TMEM38B: variants seen among roughly 807,000 people sequenced by gnomAD.
The protein encoded by TMEM38B is transmembrane protein 38B, also known as trimeric intracellular cation channel type B.
Under a neutral mutation model 28.7 loss-of-function variants are expected in TMEM38B, and 24 were observed. The observed-to-expected ratio is 0.84, with a 90% CI of 0.61 to 1.18. The LOEUF is 1.18. TMEM38B is among the 50% of genes most tolerant of loss of function. The probability of loss-of-function intolerance (pLI) is 0.00; values close to 1 mark genes in which losing one functional copy is unlikely to be tolerated. For missense variants in TMEM38B, 380 were observed against 350.9 expected (o/e 1.08, Z -0.66); for synonymous variants, 131 against 127.7 (o/e 1.03, Z -0.17).
At chr9:105,719,579 A>G (rs1342491079) in intron 2 of TMEM38B, among the ~76,000 whole-genome samples, 1 of 152,164 alleles carries the variant, frequency 6.6e-6, no homozygotes, top group East Asian at 1.9e-4. Flanking sequence ...GTGGCTACTT[A>G]ACTCTCAAAT....
chr9:105,772,217 A>T (rs569180688), intron 5 of TMEM38B, among the ~76,000 whole-genome samples: 4 of 152,018 alleles, frequency 2.6e-5, no homozygotes, highest in African/African-American at 9.7e-5. Context: ...AGGCTTTTGG[A>T]TTCTCATCCT....
At chr9:105,730,171 T>C (rs1836678465) in intron 4 of TMEM38B, among the ~76,000 whole-genome samples, 1 of 152,174 alleles carries the variant, frequency 6.6e-6, no homozygotes, top group Non-Finnish European at 1.5e-5. Context: ...TCAAAGGGAA[T>C]GCGTCCAGTT....
At chr9:105,706,594 A>G (rs1270599979) in intron 2 of TMEM38B, among the ~76,000 whole-genome samples, 1 of 152,216 alleles carries the variant, frequency 6.6e-6, no homozygotes, top group African/African-American at 2.4e-5. Context: ...GTGTCAAAAG[A>G]AAAACAAGAA....
At chr9:105,758,864 A>G in intron 5 of TMEM38B, 7 of 1,012,540 alleles carry the variant, frequency 6.9e-6, no homozygotes, top group Non-Finnish European at 1.1e-5. Flanking sequence ...ATAATAGAAA[A>G]CTAAGCCAGG....
At chr9:105,760,983 A>G (rs1033936764) in intron 5 of TMEM38B, among the ~76,000 whole-genome samples, 1 of 152,254 alleles carries the variant, frequency 6.6e-6, no homozygotes, top group African/African-American at 2.4e-5. Flanking sequence ...TTTGTTTTTA[A>G]CACAGCTATC....
At chr9:105,747,132 T>A (rs1015322719) in intron 4 of TMEM38B, among the ~76,000 whole-genome samples, 14 of 152,252 alleles carry the variant, frequency 9.2e-5, no homozygotes, top group Admixed American at 3.3e-4. Flanking sequence ...TATTGATTGC[T>A]ATAGTTTCAG....
At chr9:105,705,867 C>A in intron 2 of TMEM38B, 114 bp downstream of exon 2, 2 of 1,107,598 alleles carry the variant, frequency 1.8e-6, no homozygotes, top group Non-Finnish European at 2.5e-6. Flanking sequence ...AAAGTTAATG[C>A]ATCTGCAAGG....
chr9:105,722,873 C>T (rs1836373168), intron 4 of TMEM38B, among the ~76,000 whole-genome samples: 1 of 151,984 alleles, frequency 6.6e-6, no homozygotes, highest in African/African-American at 2.4e-5. Context: ...ACAAAAACCT[C>T]TAGATTATAG....
intron 1 of TMEM38B, among the ~76,000 whole-genome samples, chr9:105,702,196 T>A (rs1403198746): frequency 6.6e-6 from 1 of 151,232 alleles, no homozygotes; most frequent in Non-Finnish European, 1.5e-5. Flanking sequence ...ACTTGAGGCA[T>A]ATAGGATATG....
At chr9:105,746,432 C>G (rs1837395156) in intron 4 of TMEM38B, among the ~76,000 whole-genome samples, 1 of 152,164 alleles carries the variant, frequency 6.6e-6, no homozygotes, top group Non-Finnish European at 1.5e-5. Context: ...GATTTTGTAT[C>G]CTGAGACTTT....
intron 2 of TMEM38B, among the ~76,000 whole-genome samples, chr9:105,711,466 G>T (rs1453149695): frequency 6.6e-6 from 1 of 151,586 alleles, no homozygotes; most frequent in Non-Finnish European, 1.5e-5. Context: ...AAAAGAAAAA[G>T]GAAAATACAG....
intron 4 of TMEM38B, among the ~76,000 whole-genome samples, chr9:105,735,836 G>C (rs1248021397): frequency 6.6e-6 from 1 of 152,046 alleles, no homozygotes; most frequent in African/African-American, 2.4e-5. Flanking sequence ...TCTCAACCAA[G>C]ACTTGGGAAA....
chr9:105,752,793 G>C (rs1353656207), intron 5 of TMEM38B, among the ~76,000 whole-genome samples: 1 of 152,192 alleles, frequency 6.6e-6, no homozygotes, highest in Non-Finnish European at 1.5e-5. Context: ...TCTGCAGCAA[G>C]GGCATGGAAC....
chr9:105,716,661 C>CAGG (rs771708207), intron 2 of TMEM38B, among the ~76,000 whole-genome samples: 27,373 of 151,826 alleles, frequency 0.18, 3,526 homozygotes, highest in East Asian at 0.46. Context: ...AGATTTTCTT[C>CAGG]TGCCTCTGCC....
chr9:105,765,154 GA>G (rs1408825657), intron 5 of TMEM38B, among the ~76,000 whole-genome samples: 1 of 152,162 alleles, frequency 6.6e-6, no homozygotes, highest in African/African-American at 2.4e-5. Context: ...TTTGTATGCT[GA>G]AACTTTTTTT....
rs1177662378 is a variant in TMEM38B at position 105,731,236 on chromosome 9, A to G, written c.542+8615A>G. ...AATTTCCCTCTACACACCACTTTAA[A>G]TGTGCCCCAGAGATTCTGGTACGTT... On this transcript the variant is annotated intron_variant, in intron 4 of 5. Coordinates refer to ENST00000374692, the MANE Select transcript of TMEM38B (RefSeq NM_018112.3). 6.6e-5 allele frequency among the ~76,000 whole-genome samples: 10 copies of G among 152,048 alleles called. No individual in the cohort carries two copies. In the South Asian group the frequency reaches 1.9e-3, roughly 28 times the overall value.
intron 2 of TMEM38B, among the ~76,000 whole-genome samples, chr9:105,716,193 T>C (rs938759886): frequency 6.6e-6 from 1 of 152,178 alleles, no homozygotes; most frequent in Non-Finnish European, 1.5e-5. Context: ...GAGCTCAGGC[T>C]TGATTCTTCT....
chr9:105,741,563 G>GT (rs2133607403), intron 4 of TMEM38B, among the ~76,000 whole-genome samples: 1 of 152,312 alleles, frequency 6.6e-6, no homozygotes, highest in East Asian at 1.9e-4. Flanking sequence ...CTGGAGAAAG[G>GT]TTATCCTTGT....
intron 4 of TMEM38B, among the ~76,000 whole-genome samples, chr9:105,736,879 C>A (rs940548365): frequency 2.6e-5 from 4 of 152,180 alleles, no homozygotes; most frequent in Admixed American, 2.6e-4. Context: ...TCATTGATGA[C>A]CTTGGGTGCC....
Sources: allele counts gnomAD v4.1 joint callset (sites outside exome capture counted in the v4.1 genomes callset), GRCh38; gene constraint gnomAD v4.1.1; transcripts MANE v1.5; gene names NCBI Gene and HGNC (gene_info 2026-07-23, HGNC 2026-07-21).